The following ENOX1 variants were observed in gnomAD, a reference collection of about 807,000 sequenced individuals.
ENOX1 encodes ecto-NOX disulfide-thiol exchanger 1.
Under a neutral mutation model 82.5 loss-of-function variants are expected in ENOX1, and 42 were observed. That is an observed-to-expected ratio of 0.51 (90% CI 0.40 to 0.66). The LOEUF (loss-of-function observed/expected upper bound fraction) is 0.66. Ranked by LOEUF, ENOX1 falls within the 30% of genes least tolerant of loss-of-function variation. ENOX1 has a pLI of 0.00. For synonymous variants in ENOX1, 271 were observed against 282.2 expected, an observed-to-expected ratio of 0.96 and a Z score of 0.40; for missense variants, 608 against 811.6, an observed-to-expected ratio of 0.75 and a Z score of 3.05.
rs10716300 is a variant in ENOX1, at chr13:43,361,977, TAAAA to T, written c.209-529_209-526del. On this transcript the variant is annotated intron_variant, in intron 5 of 16. Coordinates refer to ENST00000690772, the MANE Select transcript of ENOX1 (RefSeq NM_001347969.2). ...CCCACCTAACCTATTTCCCCTGGAATAAAAAAAAAAAAAAAAGCAAAACAAAGAG... is the reference window on the plus strand; with the variant it reads ...CCCACCTAACCTATTTCCCCTGGAATAAAAAAAAAAAAGCAAAACAAAGAG... 7.0e-5 allele frequency among the ~76,000 whole-genome samples: 9 copies of T among 128,650 alleles called. No individual in the cohort carries two copies. The South Asian group carries it at 7.2e-4, about 10-fold the overall frequency. The allele number at this position is 128,650 out of a possible 152,430, so 84.4% of individuals were successfully genotyped here.
At chr13:43,371,991 C>G (rs948906419) in intron 5 of ENOX1, among the ~76,000 whole-genome samples, 1 of 152,096 alleles carries the variant, frequency 6.6e-6, no homozygotes, top group African/African-American at 2.4e-5. Flanking sequence ...ATCTCAGGGT[C>G]CAACATGGCT....
At chr13:43,347,979 T>C (rs952025182) in intron 8 of ENOX1, among the ~76,000 whole-genome samples, 1 of 152,236 alleles carries the variant, frequency 6.6e-6, no homozygotes, top group African/African-American at 2.4e-5. Context: ...CCTGAGTTAA[T>C]GGACAGGTCC....
chr13:43,646,545 C>T (rs2083902622), intron 2 of ENOX1, among the ~76,000 whole-genome samples: 1 of 152,158 alleles, frequency 6.6e-6, no homozygotes, highest in South Asian at 2.1e-4. Context: ...GGAGTCTTTT[C>T]CTTCTGGTGG....
intron 2 of ENOX1, among the ~76,000 whole-genome samples, chr13:43,613,162 C>A (rs970304026): frequency 6.6e-6 from 1 of 152,002 alleles, no homozygotes; most frequent in Non-Finnish European, 1.5e-5. Context: ...TACATACATA[C>A]CTCCTTAATA....
At chr13:43,737,698 A>G (rs944246411) in intron 1 of ENOX1, among the ~76,000 whole-genome samples, 2 of 152,202 alleles carry the variant, frequency 1.3e-5, no homozygotes, top group Non-Finnish European at 2.9e-5. Context: ...TGGCCTTCTA[A>G]AAGGGACCAC....
chr13:43,373,932 C>T (rs1475991223), intron 5 of ENOX1, among the ~76,000 whole-genome samples: 2 of 152,188 alleles, frequency 1.3e-5, no homozygotes, highest in Admixed American at 6.5e-5. Context: ...TTTTTCTCCA[C>T]AGTGTTGATC....
intron 12 of ENOX1, among the ~76,000 whole-genome samples, chr13:43,292,239 C>T (rs1045340096): frequency 1.3e-5 from 2 of 151,954 alleles, no homozygotes; most frequent in African/African-American, 2.4e-5. Context: ...AATAAGATTG[C>T]ATGAGAAGAT....
rs947792442 is a variant in ENOX1 at position 43,308,715 on chromosome 13, G to A, written c.1262-10185C>T. 5.3e-5 allele frequency among the ~76,000 whole-genome samples: 8 copies of A among 152,166 alleles called. No individual in the cohort carries two copies. The East Asian group carries it at 5.8e-4, about 11-fold the overall frequency. On this transcript the variant is annotated intron_variant, in intron 11 of 16. Coordinates refer to ENST00000690772, the MANE Select transcript of ENOX1 (RefSeq NM_001347969.2). The stretch of plus-strand genomic sequence containing the variant: ...CACCGATGCCTGGGCATTAACCTGC[G>A]GCCATTGGTATGTGTATAAAGTTTC...
intron 3 of ENOX1, among the ~76,000 whole-genome samples, chr13:43,452,058 C>A (rs926357181): frequency 3.9e-5 from 6 of 152,174 alleles, no homozygotes; most frequent in Non-Finnish European, 7.3e-5. Flanking sequence ...TCCACACTTA[C>A]TTTTTCCTTT....
intron 2 of ENOX1, among the ~76,000 whole-genome samples, chr13:43,529,094 C>T (rs1447834968): frequency 4.0e-5 from 6 of 151,780 alleles, no homozygotes; most frequent in Admixed American, 1.3e-4. Flanking sequence ...TTACAGTAGC[C>T]CCTCCATCCT....
chr13:43,286,454 C>T (rs1237656736), intron 12 of ENOX1, among the ~76,000 whole-genome samples: 7 of 152,086 alleles, frequency 4.6e-5, no homozygotes, highest in Admixed American at 4.6e-4. Context: ...GTTCCTTTAT[C>T]CTGGGAATGG....
intron 1 of ENOX1, among the ~76,000 whole-genome samples, chr13:43,757,278 C>T (rs947005706): frequency 6.6e-6 from 1 of 152,146 alleles, no homozygotes; most frequent in Admixed American, 6.5e-5. Flanking sequence ...GGTCAATTTC[C>T]CCATCCCTTG....
chr13:43,607,021 A>G (rs970950273), intron 2 of ENOX1, among the ~76,000 whole-genome samples: 4 of 152,162 alleles, frequency 2.6e-5, no homozygotes, highest in African/African-American at 9.7e-5. Context: ...AAATACATAT[A>G]TATCCAGTAT....
intron 2 of ENOX1, among the ~76,000 whole-genome samples, chr13:43,486,329 A>T (rs1468402521): frequency 1.3e-5 from 2 of 152,168 alleles, no homozygotes; most frequent in Non-Finnish European, 2.9e-5. Flanking sequence ...GGCTGCAGTG[A>T]GCCAAGATTG....
intron 12 of ENOX1, among the ~76,000 whole-genome samples, chr13:43,284,178 T>C (rs1230134320): frequency 2.0e-5 from 3 of 152,178 alleles, no homozygotes; most frequent in Non-Finnish European, 2.9e-5. Context: ...ATATTTACAA[T>C]GTTATGGACT....
chr13:43,718,493 A>G (rs1208737594), intron 1 of ENOX1, among the ~76,000 whole-genome samples: 3 of 151,954 alleles, frequency 2.0e-5, no homozygotes, highest in Admixed American at 6.6e-5. Flanking sequence ...CACACAATAT[A>G]CCTATGTAAC....
At chr13:43,702,716 C>T (rs999660481) in intron 1 of ENOX1, among the ~76,000 whole-genome samples, 8 of 151,750 alleles carry the variant, frequency 5.3e-5, no homozygotes, top group Non-Finnish European at 1.2e-4. Flanking sequence ...TTTGGGAGGC[C>T]GAGGTGGGTG....
At chr13:43,337,574 A>C (rs936654164) in intron 9 of ENOX1, among the ~76,000 whole-genome samples, 1 of 152,196 alleles carries the variant, frequency 6.6e-6, no homozygotes, top group African/African-American at 2.4e-5. Flanking sequence ...CAAAGGAAAC[A>C]GCACAAGCAA....
At chr13:43,524,311 C>T (rs2077898953) in intron 2 of ENOX1, among the ~76,000 whole-genome samples, 1 of 152,140 alleles carries the variant, frequency 6.6e-6, no homozygotes, top group Non-Finnish European at 1.5e-5. Context: ...TTTGAGTCAT[C>T]AGGGTCCAAG....
Sources: allele counts gnomAD v4.1 joint callset (sites outside exome capture counted in the v4.1 genomes callset), GRCh38; gene constraint gnomAD v4.1.1; transcripts MANE v1.5; gene names NCBI Gene and HGNC (gene_info 2026-07-23, HGNC 2026-07-21).